Variants in PHF2 observed in about 807,000 individuals in gnomAD.
PHF2 encodes the protein PHD finger protein 2.
Under a neutral mutation model 120.5 loss-of-function variants are expected in PHF2, and 27 were observed. The observed-to-expected ratio is 0.22, with a 90% CI of 0.17 to 0.31. PHF2 has a LOEUF of 0.31. Among genes scored for constraint, PHF2 ranks in the 10% least tolerant of loss-of-function variants. The probability of loss-of-function intolerance (pLI) is 1.00; values close to 1 mark genes in which losing one functional copy is unlikely to be tolerated. For synonymous variants in PHF2, 568 were observed against 592.5 expected, an observed-to-expected ratio of 0.96 and a Z score of 0.60; for missense variants, 1,024 against 1,434.8, an observed-to-expected ratio of 0.71 and a Z score of 4.63.
At chr9:93,658,956 G>A (rs1826511162) in intron 10 of PHF2, among the ~76,000 whole-genome samples, 1 of 152,198 alleles carries the variant, frequency 6.6e-6, no homozygotes. Flanking sequence ...GTTTCCTACT[G>A]GGCTCATTGT....
At chr9:93,597,742 C>T (rs983997874) in intron 1 of PHF2, among the ~76,000 whole-genome samples, 5 of 152,202 alleles carry the variant, frequency 3.3e-5, no homozygotes, top group African/African-American at 1.2e-4. Flanking sequence ...AGTCACCTTG[C>T]TGCTGAGCAC....
At chr9:93,616,036 A>G (rs1164654185) in intron 1 of PHF2, among the ~76,000 whole-genome samples, 1 of 152,210 alleles carries the variant, frequency 6.6e-6, no homozygotes, top group East Asian at 1.9e-4. Flanking sequence ...AGACATGGCC[A>G]TTGCCTAGCA....
intron 1 of PHF2, 134 bp from the exon 2 acceptor site, chr9:93,629,836 T>G: frequency 1.2e-6 from 1 of 807,104 alleles, no homozygotes; most frequent in Non-Finnish European, 2.1e-6. Flanking sequence ...TAGAACACTG[T>G]CCCTGCACAG....
intron 19 of PHF2, among the ~76,000 whole-genome samples, chr9:93,675,372 C>A (rs903670337): frequency 6.6e-6 from 1 of 152,264 alleles, no homozygotes; most frequent in African/African-American, 2.4e-5. Context: ...CTGAGGGACA[C>A]CTGCTGGGGC....
rs199537702 is a variant in PHF2, at chr9:93,673,657, C to T, written c.2421C>T (p.Ser807=). The T allele has an allele frequency of 2.1e-4, 334 of 1,610,854 alleles. 1 individual carries two copies. Among genetic ancestry groups the T allele is most frequent in the Middle Eastern group, 3.4e-4 (2 of 5,962 alleles). ...TGTCCATGGCCAACCTGCAGGCCTCCGACTCCTGCCTGCAGACCACGTGGG... is the reference window on the plus strand; with the variant it reads ...TGTCCATGGCCAACCTGCAGGCCTCTGACTCCTGCCTGCAGACCACGTGGG... ...GMLSMANLQA[S]DSCLQTTWGA... The change falls in exon 18 of 22, where the codon TCC becomes TCT. Residue 807 remains serine (S), a synonymous_variant. Transcript: ENST00000359246.
At chr9:93,591,912 A>C (rs772105877) in intron 1 of PHF2, among the ~76,000 whole-genome samples, 1 of 152,210 alleles carries the variant, frequency 6.6e-6, no homozygotes, top group Non-Finnish European at 1.5e-5. Context: ...TCACCTGCAG[A>C]GGCCTTGAGG....
chr9:93,663,419 G>T, intron 13 of PHF2, 98 bp from the exon 14 acceptor site: 1 of 780,888 alleles, frequency 1.3e-6, no homozygotes, highest in Admixed American at 2.3e-5. Context: ...TTCCTTAGTC[G>T]TGTTCCCAGT....
intron 1 of PHF2, among the ~76,000 whole-genome samples, chr9:93,587,983 G>A (rs1247520695): frequency 2.0e-5 from 3 of 152,190 alleles, no homozygotes; most frequent in African/African-American, 7.2e-5. Flanking sequence ...GGTGAAGGAG[G>A]TGGCTGTGTG....
chr9:93,662,566 GGA>G (rs1465754674), intron 12 of PHF2, among the ~76,000 whole-genome samples: 29 of 68,658 alleles, frequency 4.2e-4, no homozygotes, highest in African/African-American at 1.6e-3. Flanking sequence ...ATGGATGGAT[GGA>G]TGGATGAACA....
intron 1 of PHF2, 125 bp from the exon 2 acceptor site, chr9:93,629,845 A>C (rs1587692569): frequency 1.2e-6 from 1 of 865,202 alleles, no homozygotes; most frequent in East Asian, 2.5e-5. Context: ...GTCCCTGCAC[A>C]GCTGTGCTCC....
Position 93,664,086 on chromosome 9 carries a change from A to G in PHF2, c.1937+451A>G, listed in dbSNP as rs114492208. On this transcript the variant is annotated intron_variant, in intron 14 of 21. Coordinates refer to ENST00000359246, the MANE Select transcript of PHF2 (RefSeq NM_005392.4). ...GTAGGGAGGGAGGCCGTGGGACTCC[A>G]TGAGTGTTAGATGTTTGGCTCTTGT... 5.8e-3 allele frequency among the ~76,000 whole-genome samples: 880 copies of G among 152,282 alleles called. 10 individuals carry two copies. Among genetic ancestry groups the G allele is most frequent in the African/African-American group, 0.02 (845 of 41,562 alleles).
chr9:93,613,527 G>A (rs1312216819), intron 1 of PHF2, among the ~76,000 whole-genome samples: 2 of 149,428 alleles, frequency 1.3e-5, no homozygotes, highest in African/African-American at 2.5e-5. Context: ...AGTAGGTCCC[G>A]GTGGAGATTG....
chr9:93,659,195 C>T (rs1377393253), intron 10 of PHF2, among the ~76,000 whole-genome samples: 1 of 152,262 alleles, frequency 6.6e-6, no homozygotes, highest in East Asian at 1.9e-4. Flanking sequence ...TCCAGGGCGC[C>T]CCTGCCACCT....
intron 1 of PHF2, among the ~76,000 whole-genome samples, chr9:93,585,065 A>G (rs1386370603): frequency 6.6e-6 from 1 of 152,090 alleles, no homozygotes; most frequent in Non-Finnish European, 1.5e-5. Context: ...TTTTTTTGTA[A>G]TCACCTTTTA....
chr9:93,676,665 C>A lies in PHF2; in HGVS notation c.2904C>A (p.Thr968=), dbSNP rs764166117. The change falls in exon 21 of 22, where the codon ACC becomes ACA. Residue 968 remains threonine, a synonymous_variant. Transcript: ENST00000359246. Reference sequence around the variant, plus strand: ...CTCCTAACACCACCTCCCCTTCCACCTCCACCTCCATCTCTGCCGGCACCA... The same window carrying A: ...CTCCTAACACCACCTCCCCTTCCACATCCACCTCCATCTCTGCCGGCACCA... The part of the protein sequence containing the change: ...KLTPNTTSPS[T]STSISAGTTS... The A allele has an allele frequency of 6.3e-7, 1 of 1,595,990 alleles. No homozygotes were observed. The highest frequency in any genetic ancestry group is 8.5e-7 in the Non-Finnish European group (1 of 1,171,030).
chr9:93,676,948 A>C lies in PHF2; in HGVS notation c.3187A>C (p.Asn1063His). The change falls in exon 21 of 22, where the codon AAC becomes CAC. Residue 1063 changes from asparagine (N) to histidine (H), a missense_variant. Coordinates refer to ENST00000359246, the MANE Select transcript of PHF2 (RefSeq NM_005392.4). ...GCCCTCCGCATCGTCTCCAAACAACAACACCGCTGCCAAAGGTACTGTGCC... is the reference window on the plus strand; with the variant it reads ...GCCCTCCGCATCGTCTCCAAACAACCACACCGCTGCCAAAGGTACTGTGCC... Reference protein sequence around the residue: ...RRPSASSPNNNTAAKGKRTKK... With the variant: ...RRPSASSPNNHTAAKGKRTKK... 1 of 1,557,564 alleles carries C rather than the reference A, an allele frequency of 6.4e-7. No individual in the cohort carries two copies. The highest frequency in any genetic ancestry group is 8.7e-7 in the Non-Finnish European group (1 of 1,147,850).
intron 1 of PHF2, among the ~76,000 whole-genome samples, chr9:93,596,531 C>G (rs903660174): frequency 6.6e-6 from 1 of 151,992 alleles, no homozygotes; most frequent in Non-Finnish European, 1.5e-5. Context: ...GCACCCAGAA[C>G]CTTCAGAGGA....
chr9:93,606,976 T>A lies in PHF2; in HGVS notation c.99-22994T>A, dbSNP rs10761243. Among the ~76,000 whole-genome samples, 20 of 152,106 alleles carry A rather than the reference T, an allele frequency of 1.3e-4. No individual in the cohort carries two copies. The South Asian group carries it at 3.9e-3, about 30-fold the overall frequency. ...GACTGTTTTGTCTCCGTTGTATTGC[T>A]TTTGTTCCTTTTTCTAAGATTGGTT... On this transcript the variant is annotated intron_variant, in intron 1 of 21. Transcript: ENST00000359246.
In PHF2 at chr9:93,657,698, G is replaced by A. The variant is rs535180350; in HGVS notation, c.1148-447G>A. On this transcript the variant is annotated intron_variant, in intron 9 of 21. Coordinates refer to ENST00000359246, the MANE Select transcript of PHF2 (RefSeq NM_005392.4). ...AAGAGGGAGGGGAGGCCCACAGCAGGAGCACACCTCCCAGCTGAAATGTAG... is the reference window on the plus strand; with the variant it reads ...AAGAGGGAGGGGAGGCCCACAGCAGAAGCACACCTCCCAGCTGAAATGTAG... 3.3e-5 allele frequency among the ~76,000 whole-genome samples: 5 copies of A among 152,278 alleles called. No individual in the cohort carries two copies. In the South Asian group the frequency reaches 1.0e-3, roughly 32 times the overall value.
Sources: allele counts gnomAD v4.1 joint callset (sites outside exome capture counted in the v4.1 genomes callset), GRCh38; gene constraint gnomAD v4.1.1; transcripts MANE v1.5; gene names NCBI Gene and HGNC (gene_info 2026-07-23, HGNC 2026-07-21).